Variants in DPYS observed in about 807,000 individuals in gnomAD.
DPYS encodes dihydropyrimidine amidohydrolase.
A neutral mutation model predicts 50.3 loss-of-function variants in DPYS; 39 were observed. The observed-to-expected ratio is 0.78, with a 90% CI of 0.60 to 1.01. The LOEUF (loss-of-function observed/expected upper bound fraction) is 1.01, where lower values mean the gene tolerates loss of function less well. Ranked by LOEUF, DPYS falls within the 50% of genes least tolerant of loss-of-function variation. DPYS has a pLI of 0.00. For missense variants in DPYS, 659 were observed against 680.9 expected (o/e 0.97, Z 0.36); for synonymous variants, 245 against 250.7 (o/e 0.98, Z 0.22).
chr8:104,466,635 G>C, intron 1 of DPYS, 22 bp downstream of exon 1: 2 of 1,504,040 alleles, frequency 1.3e-6, no homozygotes, highest in Non-Finnish European at 1.8e-6. Flanking sequence ...ACCGCGGGGC[G>C]GGGGCGCGGC....
chr8:104,417,876 C>T (rs1160158959), intron 7 of DPYS, among the ~76,000 whole-genome samples: 1 of 152,206 alleles, frequency 6.6e-6, no homozygotes. Flanking sequence ...CGCCATCCAT[C>T]ACCATATGTC....
intron 1 of DPYS, among the ~76,000 whole-genome samples, chr8:104,465,013 T>C (rs1814310702): frequency 6.6e-6 from 1 of 152,246 alleles, no homozygotes; most frequent in African/African-American, 2.4e-5. Flanking sequence ...TGATAATTAG[T>C]AATCAGGAAG....
intron 4 of DPYS, among the ~76,000 whole-genome samples, chr8:104,440,755 T>A (rs771059490): frequency 6.6e-6 from 1 of 150,706 alleles, no homozygotes; most frequent in Non-Finnish European, 1.5e-5. Context: ...TGAGAACCTG[T>A]CTCAAAAAAA....
chr8:104,444,476 G>T, intron 3 of DPYS, 39 bp from the exon 4 acceptor site: 3 of 1,608,156 alleles, frequency 1.9e-6, no homozygotes, highest in Non-Finnish European at 2.6e-6. Flanking sequence ...TGCAAGGAAG[G>T]TTTACTAATG....
intron 4 of DPYS, among the ~76,000 whole-genome samples, chr8:104,436,132 C>T (rs1813136383): frequency 6.6e-6 from 1 of 152,166 alleles, no homozygotes; most frequent in Non-Finnish European, 1.5e-5. Context: ...GACTATGCCC[C>T]ATGTGCATTC....
chr8:104,400,089 G>A (rs1484448589), intron 7 of DPYS, among the ~76,000 whole-genome samples: 1 of 94,458 alleles, frequency 1.1e-5, no homozygotes, highest in Non-Finnish European at 2.9e-5. Flanking sequence ...CAAGCTGCCT[G>A]GGGTCACCCT....
intron 8 of DPYS, among the ~76,000 whole-genome samples, chr8:104,388,300 G>A (rs1002340566): frequency 2.6e-5 from 4 of 152,040 alleles, no homozygotes; most frequent in Non-Finnish European, 5.9e-5. Context: ...ATCACTCCAT[G>A]AAGCTATTCC....
chr8:104,423,646 A>G (rs1812623832), intron 7 of DPYS, among the ~76,000 whole-genome samples: 1 of 152,212 alleles, frequency 6.6e-6, no homozygotes, highest in Non-Finnish European at 1.5e-5. Flanking sequence ...TGTTGCCTGT[A>G]CTAACGTCCT....
At chr8:104,394,737 C>T (rs1811520290) in intron 7 of DPYS, among the ~76,000 whole-genome samples, 1 of 150,744 alleles carries the variant, frequency 6.6e-6, no homozygotes, top group South Asian at 2.1e-4. Flanking sequence ...AGCCAAATAG[C>T]TGTAAAAAAG....
chr8:104,411,976 A>G (rs1287180582), intron 7 of DPYS, among the ~76,000 whole-genome samples: 1 of 152,268 alleles, frequency 6.6e-6, no homozygotes, highest in East Asian at 1.9e-4. Context: ...AAATTAGGCA[A>G]TAAGTTTAAT....
At chr8:104,420,806 C>T (rs907347293) in intron 7 of DPYS, 1 of 151,722 alleles carries the variant, frequency 6.6e-6, no homozygotes, top group African/African-American at 2.4e-5. Flanking sequence ...GTTCATCTGC[C>T]TTCTGATCAC....
intron 4 of DPYS, among the ~76,000 whole-genome samples, chr8:104,431,826 A>G (rs1228651276): frequency 6.6e-6 from 1 of 152,232 alleles, no homozygotes; most frequent in Non-Finnish European, 1.5e-5. Context: ...TAAGTTGTAC[A>G]GCCAGAATTA....
chr8:104,460,932 T>C (rs1420670250), intron 1 of DPYS, among the ~76,000 whole-genome samples: 1 of 152,158 alleles, frequency 6.6e-6, no homozygotes, highest in Admixed American at 6.5e-5. Flanking sequence ...AGATGATCTT[T>C]TAAAGACAGT....
At chr8:104,387,196 T>C (rs554648638) in intron 8 of DPYS, among the ~76,000 whole-genome samples, 6 of 152,276 alleles carry the variant, frequency 3.9e-5, no homozygotes, top group South Asian at 4.1e-4. Context: ...GAATCACTTG[T>C]ACATGAGAAA....
intron 7 of DPYS, among the ~76,000 whole-genome samples, chr8:104,408,055 T>C (rs1430116453): frequency 1.3e-5 from 2 of 152,256 alleles, no homozygotes; most frequent in African/African-American, 4.8e-5. Context: ...ATTGATCACC[T>C]ACTCCGTGCC....
chr8:104,393,923 G>A (rs1218368206), intron 7 of DPYS, among the ~76,000 whole-genome samples: 2 of 152,122 alleles, frequency 1.3e-5, no homozygotes, highest in African/African-American at 4.8e-5. Context: ...AGTGTACGCT[G>A]AACCCAATGT....
At chr8:104,436,944 G>A (rs563299235) in intron 4 of DPYS, among the ~76,000 whole-genome samples, 47 of 152,138 alleles carry the variant, frequency 3.1e-4, no homozygotes, top group Non-Finnish European at 3.7e-4. Flanking sequence ...AAAAAAGAGC[G>A]CTTAGAGAAC....
chr8:104,445,126 A>G (rs1813484049), intron 3 of DPYS, among the ~76,000 whole-genome samples: 2 of 152,226 alleles, frequency 1.3e-5, no homozygotes, highest in South Asian at 4.1e-4. Flanking sequence ...ATTGCTGGTA[A>G]GGATGTGGAG....
chr8:104,434,803 C>T lies in DPYS; in HGVS notation c.794-5102G>A, dbSNP rs76148560. Among the ~76,000 whole-genome samples, 131 of 152,182 alleles carry T rather than the reference C, an allele frequency of 8.6e-4. 2 individuals are homozygous for T. The East Asian group carries it at 0.021, about 25-fold the overall frequency. On this transcript the variant is annotated intron_variant, in intron 4 of 9. Transcript: ENST00000351513. ...AAAAATATAAGGAAAATATTTGTTA[C>T]GTTCAAATGAGCATCATATTTTTAC...
Sources: allele counts gnomAD v4.1 joint callset (sites outside exome capture counted in the v4.1 genomes callset), GRCh38; gene constraint gnomAD v4.1.1; transcripts MANE v1.5; gene names NCBI Gene and HGNC (gene_info 2026-07-23, HGNC 2026-07-21).